DLG2: variants seen among roughly 807,000 people sequenced by gnomAD.
DLG2 encodes the protein disks large homolog 2.
Under a neutral mutation model 132.5 loss-of-function variants are expected in DLG2, and 45 were observed. The ratio of observed to expected loss-of-function variants is 0.34; its 90% CI spans 0.27 to 0.44. The LOEUF is 0.44. Among genes scored for constraint, DLG2 ranks in the 20% least tolerant of loss-of-function variants. The pLI, the probability that DLG2 is intolerant of heterozygous loss-of-function variation, is 1.00. For missense variants in DLG2, 1,045 were observed against 1,196.9 expected, an observed-to-expected ratio of 0.87 and a Z score of 1.87; for synonymous variants, 424 against 419.6, an observed-to-expected ratio of 1.01 and a Z score of -0.13.
chr11:84,137,351 A>T (rs11233921), intron 9 of DLG2, among the ~76,000 whole-genome samples: 11,732 of 152,160 alleles, frequency 0.077, 537 homozygotes, highest in African/African-American at 0.12. Flanking sequence ...AAATAGCCCC[A>T]TGTATTCACA....
chr11:85,601,545 T>C (rs557741486), intron 2 of DLG2, among the ~76,000 whole-genome samples: 10 of 152,256 alleles, frequency 6.6e-5, no homozygotes, highest in African/African-American at 2.2e-4. Context: ...TTCACCACGT[T>C]GGCCAGGATG....
At chr11:85,560,638 A>G (rs2077186175) in intron 3 of DLG2, among the ~76,000 whole-genome samples, 1 of 151,912 alleles carries the variant, frequency 6.6e-6, no homozygotes, top group Admixed American at 6.6e-5. Flanking sequence ...TGATAGTTTC[A>G]CAACTTTGTA....
At chr11:84,489,860 C>T (rs1228185646) in intron 7 of DLG2, among the ~76,000 whole-genome samples, 5 of 149,980 alleles carry the variant, frequency 3.3e-5, no homozygotes, top group East Asian at 3.9e-4. Context: ...TTATTTTTGC[C>T]GGAGGACTAT....
At chr11:84,491,125 C>A (rs1417128790) in intron 7 of DLG2, among the ~76,000 whole-genome samples, 3 of 151,898 alleles carry the variant, frequency 2.0e-5, no homozygotes, top group Admixed American at 1.3e-4. Flanking sequence ...GAGCACATTG[C>A]CAAAGTCAGG....
At chr11:83,852,692 G>C (rs1375183495) in intron 16 of DLG2, among the ~76,000 whole-genome samples, 1 of 152,174 alleles carries the variant, frequency 6.6e-6, no homozygotes. Context: ...GTGTTGTCCT[G>C]TATAAATGTC....
chr11:84,278,817 T>G (rs2154369030), intron 7 of DLG2, among the ~76,000 whole-genome samples: 1 of 152,092 alleles, frequency 6.6e-6, no homozygotes, highest in South Asian at 2.1e-4. Context: ...ATTTATTTAT[T>G]TATTTATTTT....
chr11:85,429,343 T>C (rs533119499), intron 3 of DLG2, among the ~76,000 whole-genome samples: 1 of 152,148 alleles, frequency 6.6e-6, no homozygotes, highest in African/African-American at 2.4e-5. Context: ...TTTAGACCAA[T>C]ATCCCTGATG....
At chr11:85,480,222 T>C (rs2093254065) in intron 3 of DLG2, among the ~76,000 whole-genome samples, 1 of 152,214 alleles carries the variant, frequency 6.6e-6, no homozygotes, top group African/African-American at 2.4e-5. Context: ...AAGATAGACA[T>C]TGTAATCCAG....
chr11:85,277,265 T>C (rs2077950457), intron 4 of DLG2, among the ~76,000 whole-genome samples: 1 of 152,182 alleles, frequency 6.6e-6, no homozygotes, highest in Admixed American at 6.5e-5. Context: ...AGCTTGTTTC[T>C]AAATCTGTAG....
intron 7 of DLG2, among the ~76,000 whole-genome samples, chr11:84,287,410 C>G (rs1472153650): frequency 6.6e-6 from 1 of 152,012 alleles, no homozygotes; most frequent in Non-Finnish European, 1.5e-5. Context: ...TGTTGGGGGG[C>G]CAGGGCTAAA....
At chr11:83,844,237 T>C (rs916022553) in intron 16 of DLG2, among the ~76,000 whole-genome samples, 1 of 151,824 alleles carries the variant, frequency 6.6e-6, no homozygotes, top group Non-Finnish European at 1.5e-5. Flanking sequence ...TTTTGGCTCA[T>C]AGGGTAAAAA....
At chr11:83,954,484 C>T (rs2086304009) in intron 14 of DLG2, among the ~76,000 whole-genome samples, 2 of 152,184 alleles carry the variant, frequency 1.3e-5, no homozygotes, top group South Asian at 2.1e-4. Flanking sequence ...TTCATTTCTA[C>T]ACTTTGCTTC....
intron 3 of DLG2, among the ~76,000 whole-genome samples, chr11:85,583,582 G>A (rs1330214334): frequency 6.6e-6 from 1 of 152,084 alleles, no homozygotes; most frequent in Non-Finnish European, 1.5e-5. Flanking sequence ...TGAGCAGAGA[G>A]CACTTTCTGA....
intron 3 of DLG2, among the ~76,000 whole-genome samples, chr11:85,423,038 T>C (rs1025806605): frequency 3.3e-5 from 5 of 152,060 alleles, no homozygotes; most frequent in Non-Finnish European, 7.4e-5. Context: ...GTTACTAGAG[T>C]TGGTTTTTTG....
In DLG2 at chr11:85,598,765, G is replaced by C; in HGVS notation, c.-69C>G. 7.6e-7 allele frequency: 1 copy of C among 1,312,394 alleles called. No individual in the cohort carries two copies. The highest frequency in any genetic ancestry group is 1.1e-6 in the Non-Finnish European group (1 of 951,738). The allele number at this position is 1,312,394 out of a possible 1,614,324, so 81.3% of individuals were successfully genotyped here. A position where few individuals can be genotyped will look rare whatever the true frequency, so the allele number is the denominator to read the frequency against. ...CTTAATTTTTTGCAGTATTCTTCCA[G>C]TAATGATAAAGCTCGGTCAGTATCT... On this transcript the variant is annotated 5_prime_UTR_variant, in exon 3 of 28. Coordinates refer to ENST00000376104, the MANE Select transcript of DLG2 (RefSeq NM_001142699.3).
At chr11:83,611,291 G>A (rs1206696886) in intron 19 of DLG2, among the ~76,000 whole-genome samples, 1 of 151,730 alleles carries the variant, frequency 6.6e-6, no homozygotes, top group Non-Finnish European at 1.5e-5. Context: ...AGGGGGGAAG[G>A]GGGAGAGAGA....
At position 84,534,455 on chromosome 11, in the gene DLG2, G is replaced by A; in HGVS notation, c.519+115C>T. On this transcript the variant is annotated intron_variant, in intron 7 of 27. Transcript: ENST00000376104. ...CAAGAAAGACCCTTTGGCAACCCGT[G>A]TCCTCTATCATGTTTTAAAAGAGCC... 2.8e-6 allele frequency: 3 copies of A among 1,061,338 alleles called. No individual in the cohort carries two copies. In the Admixed American group the frequency reaches 6.3e-5, roughly 22 times the overall value. 65.7% of individuals were successfully genotyped at this position (1,061,338 alleles called of 1,614,324 possible). A position where few individuals can be genotyped will look rare whatever the true frequency, so the allele number is the denominator to read the frequency against.
chr11:83,512,858 G>T (rs370325586), intron 21 of DLG2, among the ~76,000 whole-genome samples: 2 of 152,142 alleles, frequency 1.3e-5, no homozygotes, highest in Non-Finnish European at 2.9e-5. Context: ...CAAAGGACAT[G>T]AACTCATCAT....
intron 6 of DLG2, among the ~76,000 whole-genome samples, chr11:84,574,402 C>T (rs748722965): frequency 6.6e-6 from 1 of 151,390 alleles, no homozygotes; most frequent in Admixed American, 6.6e-5. Context: ...GCTAAACCAA[C>T]ACATTAATGT....
Sources: allele counts gnomAD v4.1 joint callset (sites outside exome capture counted in the v4.1 genomes callset), GRCh38; gene constraint gnomAD v4.1.1; transcripts MANE v1.5; gene names NCBI Gene and HGNC (gene_info 2026-07-23, HGNC 2026-07-21).